CDH13: variants seen among roughly 807,000 people sequenced by gnomAD.
CDH13 encodes the protein cadherin-13.
In CDH13, 24 loss-of-function variants were observed where a neutral mutation model predicts 63.8. That is an observed-to-expected ratio of 0.38 (90% CI 0.27 to 0.53). The LOEUF (loss-of-function observed/expected upper bound fraction) is 0.53, where lower values mean the gene tolerates loss of function less well. CDH13 is among the 20% of genes least tolerant of loss of function. CDH13 has a pLI of 0.85. For missense variants in CDH13, 1,049 were observed against 903.1 expected (o/e 1.16, Z -2.07); for synonymous variants, 503 against 355.3 (o/e 1.42, Z -4.67).
intron 6 of CDH13, among the ~76,000 whole-genome samples, chr16:83,433,919 G>A (rs969977680): frequency 5.3e-5 from 8 of 152,026 alleles, no homozygotes; most frequent in South Asian, 2.1e-4. Context: ...TTAGTGGCTC[G>A]TTGGAAAGTA....
intron 8 of CDH13, among the ~76,000 whole-genome samples, chr16:83,658,488 T>C (rs1273358445): frequency 2.1e-5 from 3 of 144,594 alleles, no homozygotes; most frequent in Non-Finnish European, 4.5e-5. Flanking sequence ...AGGTCCCGTA[T>C]CCTCACCAGC....
rs563379935 is a variant in CDH13 at position 83,705,702 on chromosome 16, C to T, written c.1538+27241C>T. Among the ~76,000 whole-genome samples the T allele has an allele frequency of 2.0e-5, 3 of 152,308 alleles. No homozygotes were observed. The South Asian group carries it at 6.2e-4, about 32-fold the overall frequency. ...CAACTACTAAGTGCCAGGCATTTTT[C>T]TGTGCATTTTATCATTTCATCCTTC... is the stretch of plus-strand genomic sequence containing the variant. On this transcript the variant is annotated intron_variant, in intron 10 of 13. Transcript: ENST00000567109.
chr16:83,278,600 A>T (rs2089065855), intron 5 of CDH13, among the ~76,000 whole-genome samples: 1 of 152,168 alleles, frequency 6.6e-6, no homozygotes, highest in Non-Finnish European at 1.5e-5. Context: ...CAGCAAGAAA[A>T]ACTGTCTAAA....
chr16:82,999,597 C>G (rs1912641164), intron 2 of CDH13, among the ~76,000 whole-genome samples: 1 of 151,912 alleles, frequency 6.6e-6, no homozygotes, highest in Non-Finnish European at 1.5e-5. Context: ...AGCATGACAC[C>G]AAAAGTTAAA....
intron 7 of CDH13, among the ~76,000 whole-genome samples, chr16:83,497,566 A>C (rs2074175399): frequency 6.6e-6 from 1 of 151,790 alleles, no homozygotes; most frequent in South Asian, 2.1e-4. Context: ...ATGCTAGATG[A>C]CGAGTTGGTG....
At chr16:82,930,878 C>G (rs1437446483) in intron 2 of CDH13, among the ~76,000 whole-genome samples, 7 of 152,142 alleles carry the variant, frequency 4.6e-5, no homozygotes, top group Admixed American at 1.3e-4. Context: ...CTCCTCTTCC[C>G]AAATTAGATT....
intron 5 of CDH13, among the ~76,000 whole-genome samples, chr16:83,233,647 G>A (rs1022910054): frequency 1.8e-4 from 27 of 152,156 alleles, no homozygotes; most frequent in Admixed American, 3.3e-4. Context: ...CTCAAAGCCA[G>A]CAATGGAAGC....
At chr16:82,789,766 G>T (rs1475493242) in intron 1 of CDH13, among the ~76,000 whole-genome samples, 1 of 152,188 alleles carries the variant, frequency 6.6e-6, no homozygotes, top group East Asian at 1.9e-4. Context: ...CTTGCTCCAA[G>T]AGTTCCTAGG....
At chr16:82,746,730 G>C (rs1011562204) in intron 1 of CDH13, among the ~76,000 whole-genome samples, 3 of 151,824 alleles carry the variant, frequency 2.0e-5, no homozygotes, top group Non-Finnish European at 2.9e-5. Flanking sequence ...TTCCCAAACT[G>C]ATTTCTTAAA....
intron 6 of CDH13, among the ~76,000 whole-genome samples, chr16:83,454,628 C>G (rs969306931): frequency 2.0e-5 from 3 of 152,136 alleles, no homozygotes; most frequent in African/African-American, 4.8e-5. Flanking sequence ...TATGGTTAAA[C>G]ATCTAGGCCA....
At chr16:83,695,163 T>C (rs1381190324) in intron 10 of CDH13, among the ~76,000 whole-genome samples, 2 of 152,134 alleles carry the variant, frequency 1.3e-5, no homozygotes, top group Admixed American at 6.5e-5. Context: ...GCCAAGATCA[T>C]GCCACTGTAC....
intron 5 of CDH13, among the ~76,000 whole-genome samples, chr16:83,322,610 G>A (rs1053289025): frequency 3.3e-5 from 5 of 152,116 alleles, no homozygotes; most frequent in African/African-American, 9.7e-5. Flanking sequence ...AGTGTCCCAC[G>A]GGCCATCATA....
chr16:83,077,491 C>G (rs1231182272), intron 3 of CDH13, among the ~76,000 whole-genome samples: 1 of 151,990 alleles, frequency 6.6e-6, no homozygotes, highest in Non-Finnish European at 1.5e-5. Flanking sequence ...TCACACCTGG[C>G]CAGCATAAGA....
chr16:83,661,039 G>A (rs1913396705), intron 8 of CDH13, among the ~76,000 whole-genome samples: 1 of 145,854 alleles, frequency 6.9e-6, no homozygotes, highest in Non-Finnish European at 1.5e-5. Context: ...ACTCTCTTTA[G>A]CAGCAAAACT....
At chr16:83,583,065 T>C (rs556735086) in intron 7 of CDH13, among the ~76,000 whole-genome samples, 1 of 152,238 alleles carries the variant, frequency 6.6e-6, no homozygotes, top group Non-Finnish European at 1.5e-5. Context: ...CCAGGGAGGA[T>C]CCCATCTGCT....
intron 2 of CDH13, among the ~76,000 whole-genome samples, chr16:82,885,301 G>T (rs112317518): frequency 6.6e-6 from 1 of 151,806 alleles, no homozygotes; most frequent in South Asian, 2.1e-4. Flanking sequence ...GCAAAAAGAA[G>T]AAAAAAAATC....
chr16:82,656,306 G>GGTGTGTGTGTGTGT (rs1555529667), intron 1 of CDH13, among the ~76,000 whole-genome samples: 15 of 147,198 alleles, frequency 1.0e-4, no homozygotes, highest in African/African-American at 3.7e-4. Flanking sequence ...GCATTTGAAT[G>GGTGTGTGTGTGTGT]GTGTGCGTGT....
chr16:83,552,206 C>A (rs901821158), intron 7 of CDH13, among the ~76,000 whole-genome samples: 2 of 152,106 alleles, frequency 1.3e-5, no homozygotes, highest in Non-Finnish European at 2.9e-5. Context: ...TAGAAAGGAG[C>A]CTGTGGACCT....
At chr16:83,151,607 A>G (rs148304411) in intron 4 of CDH13, among the ~76,000 whole-genome samples, 1 of 152,344 alleles carries the variant, frequency 6.6e-6, no homozygotes, top group Middle Eastern at 3.4e-3. Flanking sequence ...CAAAGAATCA[A>G]TCACTTATTT....
Sources: gnomAD v4.1 joint callset for allele counts (sites outside exome capture counted in the v4.1 genomes callset) on GRCh38, gnomAD v4.1.1 for gene constraint, MANE v1.5 for transcripts, NCBI Gene and HGNC (gene_info 2026-07-23, HGNC 2026-07-21) for gene names.